RBCK1: variants seen among roughly 807,000 people sequenced by gnomAD.
RBCK1 encodes the protein RANBP2-type and C3HC4-type zinc finger containing 1, also known as ranBP-type and C3HC4-type zinc finger-containing protein 1.
A neutral mutation model predicts 71.1 loss-of-function variants in RBCK1; 44 were observed. That is an observed-to-expected ratio of 0.62 (90% CI 0.49 to 0.80). The LOEUF is 0.80. Ranked by LOEUF, RBCK1 falls within the 30% of genes least tolerant of loss-of-function variation. The pLI is 0.00. For synonymous variants in RBCK1, 306 were observed against 279.7 expected, an observed-to-expected ratio of 1.09 and a Z score of -0.94; for missense variants, 569 against 685.0, an observed-to-expected ratio of 0.83 and a Z score of 1.89.
chr20:423,017 C>T (rs6107298), intron 8 of RBCK1, among the ~76,000 whole-genome samples: 3,270 of 152,140 alleles, frequency 0.021, 114 homozygotes, highest in African/African-American at 0.074. Context: ...CATAGTAGTA[C>T]ATCCAGGCGC....
intron 2 of RBCK1, chr20:410,486 C>A (rs757387219): frequency 1.3e-6 from 1 of 779,770 alleles, no homozygotes; most frequent in South Asian, 1.3e-5. Flanking sequence ...AGAAAGACAC[C>A]CCTCCACACT....
intron 2 of RBCK1, among the ~76,000 whole-genome samples, chr20:416,599 G>C (rs1167119145): frequency 6.6e-6 from 1 of 152,166 alleles, no homozygotes; most frequent in Non-Finnish European, 1.5e-5. Context: ...TTCCTTTGGG[G>C]TCGGTTCTGT....
In RBCK1 at chr20:419,555, C is replaced by T. The variant is rs1169837697; in HGVS notation, c.583-3C>T. ...TCGGGCTCACAGCACCCTCTGCTCC[C>T]AGGTGGGCTGGCAGTGCCCCGGGTG... is the stretch of plus-strand genomic sequence containing the variant. On this transcript the variant is annotated splice_polypyrimidine_tract_variant and splice_region_variant and intron_variant, in intron 5 of 11. Transcript: ENST00000356286. 5 of 1,606,636 alleles carry T rather than the reference C, an allele frequency of 3.1e-6. No individual in the cohort carries two copies. Among genetic ancestry groups the T allele is most frequent in the Non-Finnish European group, 4.2e-6 (5 of 1,176,926 alleles).
chr20:413,917 CAAAA>C (rs10706664), intron 2 of RBCK1, among the ~76,000 whole-genome samples: 6 of 114,614 alleles, frequency 5.2e-5, no homozygotes. Context: ...GACAAATCAC[CAAAA>C]AAAAAAAAAA....
Position 428,862 on chromosome 20 carries a change from G to C in RBCK1, c.1309-89G>C. The C allele has an allele frequency of 6.7e-7, 1 of 1,486,836 alleles. No individual in the cohort carries two copies. Among genetic ancestry groups the C allele is most frequent in the South Asian group, 1.4e-5 (1 of 73,566 alleles). 92.1% of individuals were successfully genotyped at this position (1,486,836 alleles called of 1,614,324 possible). On this transcript the variant is annotated intron_variant, in intron 10 of 11. Coordinates refer to ENST00000356286, the MANE Select transcript of RBCK1 (RefSeq NM_031229.4). This position sits in a 1 kb window ranked among gnomAD's most constrained non-coding sequence, Gnocchi z 5.7. ...ACAGGAGAGACTCCACAGCTCTAGA[G>C]GGTCACCACCTTCTCCCTGCCATGG...
At position 419,391 on chromosome 20, in the gene RBCK1, G is replaced by C. The variant is rs752958560; in HGVS notation, c.505G>C (p.Glu169Gln). Residue 169 changes from glutamate (E) to glutamine (Q), a missense_variant, in exon 5 of 12, where the codon GAG (glutamate) becomes CAG (glutamine). Physicochemically the swap from Glu to Gln is conservative, Grantham distance 29. Transcript: ENST00000356286. ...DLTLQPRGPL[E>Q]PGPPKPGVPQ... ...CACGCTGCAGCCGCGGGGCCCTCTG[G>C]AGCCAGGCCCCCCAAAGCCCGGGGT... is the stretch of plus-strand genomic sequence containing the variant. 1.9e-5 allele frequency: 30 copies of C among 1,612,362 alleles called. No homozygotes were observed. Among genetic ancestry groups the C allele is most frequent in the Non-Finnish European group, 2.5e-5 (29 of 1,179,696 alleles).
chr20:428,007 A>G lies in RBCK1; in HGVS notation c.1210-484A>G, dbSNP rs6051953. 0.14 allele frequency among the ~76,000 whole-genome samples: 21,797 copies of G among 152,026 alleles called. 3,027 individuals are homozygous for G. Among genetic ancestry groups the G allele is most frequent in the African/African-American group, 0.37 (15,185 of 41,398 alleles). On this transcript the variant is annotated intron_variant, in intron 9 of 11. Coordinates refer to ENST00000356286, the MANE Select transcript of RBCK1 (RefSeq NM_031229.4). This position sits in a 1 kb window ranked among gnomAD's most constrained non-coding sequence, Gnocchi z 5.7. ...GCTGACCCCAAACCTAGACAGCCCT[A>G]CCTGATCCTTCCCCCAGGCCTGTCC...
At chr20:418,437 C>A (rs549865974) in intron 4 of RBCK1, among the ~76,000 whole-genome samples, 1 of 151,966 alleles carries the variant, frequency 6.6e-6, no homozygotes, top group Non-Finnish European at 1.5e-5. Flanking sequence ...GGCACAATCT[C>A]GGCTCACTGC....
At chr20:411,961 T>A (rs2015734909) in intron 2 of RBCK1, among the ~76,000 whole-genome samples, 1 of 152,276 alleles carries the variant, frequency 6.6e-6, no homozygotes, top group Non-Finnish European at 1.5e-5. Context: ...TGTCCAACTT[T>A]TTGTGTGGAC....
rs1022252383 is a variant in RBCK1 at position 428,882 on chromosome 20, C to G, written c.1309-69C>G. On this transcript the variant is annotated intron_variant, in intron 10 of 11. Transcript: ENST00000356286. The surrounding 1 kb of genome is among the most constrained non-coding windows in gnomAD (Gnocchi z 5.7). Reference sequence around the variant, plus strand: ...CTAGAGGGTCACCACCTTCTCCCTGCCATGGGGAGGGGCCAGGCTGGGTGA... The same window carrying G: ...CTAGAGGGTCACCACCTTCTCCCTGGCATGGGGAGGGGCCAGGCTGGGTGA... 5.9e-5 allele frequency: 89 copies of G among 1,519,608 alleles called. No individual in the cohort carries two copies. Among genetic ancestry groups the G allele is most frequent in the Middle Eastern group, 4.8e-4 (2 of 4,178 alleles). The allele number at this position is 1,519,608 out of a possible 1,614,324, so 94.1% of individuals were successfully genotyped here.
chr20:429,964 A>C (rs1357202126), intron 11 of RBCK1, among the ~76,000 whole-genome samples: 8 of 152,262 alleles, frequency 5.3e-5, no homozygotes, highest in Admixed American at 3.9e-4. Flanking sequence ...GTGCTTAGAG[A>C]GCCTGTCACT....
At chr20:423,831 G>A (rs796229921) in intron 8 of RBCK1, among the ~76,000 whole-genome samples, 24 of 152,268 alleles carry the variant, frequency 1.6e-4, no homozygotes, top group African/African-American at 9.6e-5. Context: ...GGTCAGCCGC[G>A]GTGGCCTGGT....
At chr20:421,437 GC>G (rs555398406) in intron 7 of RBCK1, among the ~76,000 whole-genome samples, 167 of 152,326 alleles carry the variant, frequency 1.1e-3, no homozygotes, top group African/African-American at 3.9e-3. Context: ...TTGTGGAGCC[GC>G]CCCTGGGTGA....
chr20:417,296 C>G lies in RBCK1; in HGVS notation c.168-230C>G, dbSNP rs77359014. 5.7e-6 allele frequency: 4 copies of G among 705,066 alleles called. No individual in the cohort carries two copies. The highest frequency in any genetic ancestry group is 8.0e-6 in the Non-Finnish European group (3 of 373,276). 43.7% of individuals were successfully genotyped at this position (705,066 alleles called of 1,614,324 possible). The stretch of plus-strand genomic sequence containing the variant: ...TCATGGAGGCCCTCGTGTGCTGCCA[C>G]GAGTTGATTCTAAGAGTAGCGTGGA... On this transcript the variant is annotated intron_variant, in intron 2 of 11. Coordinates refer to ENST00000356286, the MANE Select transcript of RBCK1 (RefSeq NM_031229.4). The surrounding 1 kb of genome is among the most constrained non-coding windows in gnomAD (Gnocchi z 4.7).
chr20:418,554 G>A lies in RBCK1; in HGVS notation c.460+624G>A, dbSNP rs528956730. On this transcript the variant is annotated intron_variant, in intron 4 of 11. Transcript: ENST00000356286. ...CGGCTAATTTTTTATATTTTTAGTA[G>A]AGACGGGGTTTCACCGTGTTAGCCA... Among the ~76,000 whole-genome samples, 12 of 152,120 alleles carry A rather than the reference G, an allele frequency of 7.9e-5. No individual in the cohort carries two copies. The South Asian group carries it at 2.1e-3, about 26-fold the overall frequency.
intron 7 of RBCK1, 188 bp from the exon 8 acceptor site, chr20:421,939 T>C: frequency 1.8e-6 from 1 of 568,028 alleles, no homozygotes; most frequent in Non-Finnish European, 3.1e-6. Context: ...AGAGCGGCAG[T>C]ATGGAGGCAG....
intron 1 of RBCK1, 150 bp downstream of exon 1, chr20:408,929 C>T (rs2015535532): frequency 1.0e-6 from 1 of 1,000,596 alleles, no homozygotes; most frequent in Non-Finnish European, 1.5e-6. Flanking sequence ...TCCTTTGGTA[C>T]CTGCTGGCTT....
Position 432,054 on chromosome 20 carries a change from T to C in RBCK1, c.*1624T>C, listed in dbSNP as rs1477190487. 6.6e-6 allele frequency among the ~76,000 whole-genome samples: 1 copy of C among 152,230 alleles called. No homozygotes were observed. The highest frequency in any genetic ancestry group is 1.9e-4 in the East Asian group (1 of 5,192). ...GTAACCAGTCCACCCAGTGTTGTTT[T>C]AGAAATTTAAATCGGTTGCCCATCT... is the stretch of plus-strand genomic sequence containing the variant. On this transcript the variant is annotated 3_prime_UTR_variant, in exon 12 of 12. Transcript: ENST00000356286. The surrounding 1 kb of genome is among the most constrained non-coding windows in gnomAD (Gnocchi z 4.3).
At chr20:425,877 G>A (rs553676705) in intron 8 of RBCK1, among the ~76,000 whole-genome samples, 1 of 151,984 alleles carries the variant, frequency 6.6e-6, no homozygotes, top group Non-Finnish European at 1.5e-5. Context: ...CGCCCGCCTC[G>A]GCCTCCCAGA....
Sources: gnomAD v4.1 joint callset for allele counts (sites outside exome capture counted in the v4.1 genomes callset) on GRCh38, gnomAD v4.1.1 for gene constraint, Gnocchi (gnomAD v3.1) non-coding constraint, MANE v1.5 for transcripts, NCBI Gene and HGNC (gene_info 2026-07-23, HGNC 2026-07-21) for gene names.